CIMAP3: variants seen among roughly 807,000 people sequenced by gnomAD.
CIMAP3 encodes ciliary microtubule associated protein 3, also known as ciliary microtubule-associated protein 3.
At chr1:111,352,706 C>G in the CIMAP3 span, 1 of 152,196 alleles carries the variant, frequency 6.6e-6, no homozygotes, top group Admixed American at 6.5e-5. Flanking sequence ...ACACCTCCCT[C>G]CTTTTTCTCC....
At chr1:111,341,905 G>T in the CIMAP3 span, among the ~76,000 whole-genome samples, 5 of 147,270 alleles carry the variant, frequency 3.4e-5, no homozygotes, top group African/African-American at 1.3e-4. Flanking sequence ...GAAAAAAAAA[G>T]AAAATTTCCT....
chr1:111,333,850 A>G, the CIMAP3 span, among the ~76,000 whole-genome samples: 11 of 152,310 alleles, frequency 7.2e-5, no homozygotes, highest in Admixed American at 2.6e-4. Context: ...GGCATCTGCA[A>G]TCAGCCCTCT....
At chr1:111,344,730 C>T in the CIMAP3 span, among the ~76,000 whole-genome samples, 43 of 152,192 alleles carry the variant, frequency 2.8e-4, 2 homozygotes, top group East Asian at 7.9e-3. Flanking sequence ...TTTCAAAAAG[C>T]ACATTAATAC....
At chr1:111,342,796 G>A in the CIMAP3 span, among the ~76,000 whole-genome samples, 2 of 152,196 alleles carry the variant, frequency 1.3e-5, no homozygotes, top group Admixed American at 6.5e-5. Flanking sequence ...CTGAACTGGA[G>A]GAAAATTTTC....
At chr1:111,337,823 A>T in the CIMAP3 span, among the ~76,000 whole-genome samples, 2 of 152,090 alleles carry the variant, frequency 1.3e-5, no homozygotes, top group African/African-American at 4.8e-5. Context: ...CAGGAATTGA[A>T]CTCAGCTCTG....
At chr1:111,347,637 T>TTTTTGG in the CIMAP3 span, 1 of 1,189,004 alleles carries the variant, frequency 8.4e-7, no homozygotes, top group Non-Finnish European at 1.2e-6. Flanking sequence ...TTTTTTTTTT[T>TTTTTGG]GGTGTTTTTG....
the CIMAP3 span, among the ~76,000 whole-genome samples, chr1:111,327,339 G>A: frequency 1.1e-4 from 16 of 152,120 alleles, 1 homozygote; most frequent in Middle Eastern, 6.8e-3. Flanking sequence ...TCTGTGCCAG[G>A]TTTTGGTACC....
the CIMAP3 span, among the ~76,000 whole-genome samples, chr1:111,333,811 CT>C: frequency 1.3e-5 from 2 of 152,184 alleles, no homozygotes; most frequent in South Asian, 4.1e-4. Context: ...GTACTGTCTT[CT>C]TTTGGGGAGT....
chr1:111,347,805 T>A, the CIMAP3 span: 13 of 1,494,162 alleles, frequency 8.7e-6, no homozygotes, highest in Admixed American at 2.2e-4. Flanking sequence ...TTATCCACGT[T>A]GTTGCATGCA....
chr1:111,351,186 T>G, the CIMAP3 span: 244 of 702,670 alleles, frequency 3.5e-4, 3 homozygotes, highest in African/African-American at 4.9e-3. Context: ...TTTTTTTTTT[T>G]GCATAACTGG....
the CIMAP3 span, chr1:111,350,252 C>T: frequency 6.6e-7 from 1 of 1,525,412 alleles, no homozygotes; most frequent in African/African-American, 1.4e-5. Context: ...CTGTAGAAGA[C>T]TCTTATTCGA....
At chr1:111,336,696 G>A in the CIMAP3 span, among the ~76,000 whole-genome samples, 26 of 152,238 alleles carry the variant, frequency 1.7e-4, no homozygotes, top group Non-Finnish European at 7.3e-5. Context: ...ATGGGACTAT[G>A]TGAAAAGACC....
the CIMAP3 span, among the ~76,000 whole-genome samples, chr1:111,342,034 C>T: frequency 4.6e-5 from 7 of 151,968 alleles, no homozygotes; most frequent in Admixed American, 1.3e-4. Context: ...GAAAACTTTC[C>T]GAAACTTGAG....
At chr1:111,351,331 G>A in the CIMAP3 span, 2 of 1,567,974 alleles carry the variant, frequency 1.3e-6, no homozygotes, top group East Asian at 4.5e-5. Context: ...TAATTGAGCG[G>A]CTGTAACTAC....
At chr1:111,351,254 T>C in the CIMAP3 span, 5 of 1,609,414 alleles carry the variant, frequency 3.1e-6, no homozygotes, top group Middle Eastern at 1.6e-4. Flanking sequence ...GTTCTTTCAT[T>C]GCAGCTGTCC....
the CIMAP3 span, among the ~76,000 whole-genome samples, chr1:111,333,394 C>T: frequency 3.3e-5 from 5 of 152,240 alleles, no homozygotes; most frequent in South Asian, 4.1e-4. Context: ...TCCAGAAGTA[C>T]CTCTGGTCTC....
chr1:111,341,495 C>G, the CIMAP3 span, among the ~76,000 whole-genome samples: 1 of 152,100 alleles, frequency 6.6e-6, no homozygotes, highest in African/African-American at 2.4e-5. Flanking sequence ...ATCATACGGG[C>G]CCACCAAATC....
At chr1:111,326,896 A>T in the CIMAP3 span, among the ~76,000 whole-genome samples, 1 of 152,092 alleles carries the variant, frequency 6.6e-6, no homozygotes, top group Non-Finnish European at 1.5e-5. Context: ...CTTCTTTTGA[A>T]AATTGCCTAT....
At chr1:111,341,381 C>A in the CIMAP3 span, among the ~76,000 whole-genome samples, 4 of 151,918 alleles carry the variant, frequency 2.6e-5, no homozygotes, top group Non-Finnish European at 5.9e-5. Context: ...ATCTTTTAAT[C>A]ATCTGAATGC....
Sources: allele counts gnomAD v4.1 joint callset (sites outside exome capture counted in the v4.1 genomes callset), GRCh38; gene constraint gnomAD v4.1.1; transcripts MANE v1.5; gene names NCBI Gene and HGNC (gene_info 2026-07-23, HGNC 2026-07-21).